RAPGEF6: variants seen among roughly 807,000 people sequenced by gnomAD.
The protein encoded by RAPGEF6 is Rap guanine nucleotide exchange factor 6.
A neutral mutation model predicts 171.4 loss-of-function variants in RAPGEF6; 56 were observed. The observed-to-expected ratio is 0.33, with a 90% CI of 0.26 to 0.41. The LOEUF is 0.41. RAPGEF6 is among the 10% of genes least tolerant of loss of function. The pLI, the probability that RAPGEF6 is intolerant of heterozygous loss-of-function variation, is 1.00. For missense variants in RAPGEF6, 1,674 were observed against 1,921.4 expected (o/e 0.87, Z 2.41); for synonymous variants, 692 against 650.1 (o/e 1.06, Z -0.98).
Position 131,538,931 on chromosome 5 carries a change from A to G in RAPGEF6, c.495+9116T>C, listed in dbSNP as rs536239889. Among the ~76,000 whole-genome samples, 7 of 152,358 alleles carry G rather than the reference A, an allele frequency of 4.6e-5. No individual in the cohort carries two copies. The South Asian group carries it at 1.4e-3, about 32-fold the overall frequency. ...AATTCCATATTATTTCCTAGAAGATAAAGGAGGAGTATTCTCCTAAAGGAT... is the reference window on the plus strand; with the variant it reads ...AATTCCATATTATTTCCTAGAAGATGAAGGAGGAGTATTCTCCTAAAGGAT... On this transcript the variant is annotated intron_variant, in intron 6 of 27. Coordinates refer to ENST00000509018, the MANE Select transcript of RAPGEF6 (RefSeq NM_016340.6).
At chr5:131,514,322 T>G (rs1007795742) in intron 7 of RAPGEF6, among the ~76,000 whole-genome samples, 1 of 152,118 alleles carries the variant, frequency 6.6e-6, no homozygotes, top group Non-Finnish European at 1.5e-5. Context: ...AAGAGAAAGG[T>G]AGATATGATT....
chr5:131,517,613 G>GATAC (rs1758178287), intron 7 of RAPGEF6, among the ~76,000 whole-genome samples: 1 of 81,692 alleles, frequency 1.2e-5, no homozygotes, highest in Non-Finnish European at 3.3e-5. Flanking sequence ...CCCAGGCTAA[G>GATAC]ATACATACAT....
chr5:131,521,293 T>C (rs777234005), intron 7 of RAPGEF6, 97 bp downstream of exon 7: 2 of 1,259,110 alleles, frequency 1.6e-6, no homozygotes, highest in Non-Finnish European at 2.1e-6. Flanking sequence ...TTGAATTTCA[T>C]ACTCTAAAAG....
chr5:131,548,882 G>A (rs1396341254), intron 5 of RAPGEF6, among the ~76,000 whole-genome samples: 2 of 152,048 alleles, frequency 1.3e-5, no homozygotes, highest in Non-Finnish European at 2.9e-5. Context: ...CCTGGCAACA[G>A]AGCAAGACCC....
intron 1 of RAPGEF6, among the ~76,000 whole-genome samples, chr5:131,629,270 A>G (rs770585559): frequency 6.6e-5 from 10 of 152,082 alleles, no homozygotes; most frequent in Non-Finnish European, 1.0e-4. Context: ...ACTTGAGCCT[A>G]GGAGTTCAAG....
In RAPGEF6 at chr5:131,471,242, A is replaced by G. The variant is rs1448658166; in HGVS notation, c.2239+1345T>C. Among the ~76,000 whole-genome samples the G allele has an allele frequency of 2.0e-5, 3 of 152,318 alleles. No homozygotes were observed. The East Asian group carries it at 5.8e-4, about 29-fold the overall frequency. On this transcript the variant is annotated intron_variant, in intron 17 of 27. Coordinates refer to ENST00000509018, the MANE Select transcript of RAPGEF6 (RefSeq NM_016340.6). Reference sequence around the variant, plus strand: ...TCTTTGTTCTAAAAAGAACACTGGTAGCCATGTAGAGAGTGTGATGTGCCA... The same window carrying G: ...TCTTTGTTCTAAAAAGAACACTGGTGGCCATGTAGAGAGTGTGATGTGCCA...
chr5:131,537,518 GTTGT>G (rs149201660), intron 6 of RAPGEF6, among the ~76,000 whole-genome samples: 11,022 of 151,992 alleles, frequency 0.073, 795 homozygotes, highest in African/African-American at 0.19. Context: ...TTCCCTAAAA[GTTGT>G]TTGTAATAGG....
chr5:131,591,309 T>C (rs1763574498), intron 4 of RAPGEF6, among the ~76,000 whole-genome samples: 1 of 152,210 alleles, frequency 6.6e-6, no homozygotes, highest in African/African-American at 2.4e-5. Context: ...AAAATCTTAA[T>C]AATTACTAAC....
chr5:131,461,967 G>A lies in RAPGEF6; in HGVS notation c.2602C>T (p.Leu868=). The part of the protein sequence containing the change: ...QLSTIEVATQ[L]SMRDFDLFRN... ...AACAAATCAAAGTCCCTCATTGACA[G>A]CTGGGTGGCCACCTCAATGGTACTG... Residue 868 remains leucine (L), a synonymous_variant, in exon 19 of 28, where the codon CTG becomes TTG. Transcript: ENST00000509018. 1 of 1,614,152 alleles carries A rather than the reference G, an allele frequency of 6.2e-7. No homozygotes were observed. The highest frequency in any genetic ancestry group is 8.5e-7 in the Non-Finnish European group (1 of 1,180,012).
In RAPGEF6 at chr5:131,479,666, T is replaced by A. The variant is rs780860297; in HGVS notation, c.1928A>T (p.His643Leu). ...PKIAEKKSNRHSIQHVPGDIE... is the reference protein window; with the variant it reads ...PKIAEKKSNRLSIQHVPGDIE... ...ATCTCCTGGCACATGCTGGATAGAA[T>A]GGCGATTACTTTTTTTTTCAGCAAT... The change falls in exon 16 of 28, where the codon CAT (histidine) becomes CTT (leucine). Residue 643 changes from histidine (H) to leucine (L), a missense_variant. Coordinates refer to ENST00000509018, the MANE Select transcript of RAPGEF6 (RefSeq NM_016340.6). 5 of 1,614,094 alleles carry A rather than the reference T, an allele frequency of 3.1e-6. 1 individual carries two copies. The South Asian group carries it at 5.5e-5, about 18-fold the overall frequency.
chr5:131,486,306 C>T (rs1044230911), intron 15 of RAPGEF6, among the ~76,000 whole-genome samples: 4 of 152,228 alleles, frequency 2.6e-5, no homozygotes, highest in Non-Finnish European at 4.4e-5. Context: ...GGCTTTGACA[C>T]ATCCAGAGTT....
chr5:131,443,261 A>T (rs909103996), intron 22 of RAPGEF6, among the ~76,000 whole-genome samples: 1 of 151,848 alleles, frequency 6.6e-6, no homozygotes, highest in Non-Finnish European at 1.5e-5. Flanking sequence ...TATTTTTAGT[A>T]GAGATGGAGT....
At chr5:131,489,396 A>G in intron 15 of RAPGEF6, 150 bp downstream of exon 15, 2 of 601,298 alleles carry the variant, frequency 3.3e-6, no homozygotes, top group Admixed American at 3.5e-5. Flanking sequence ...TCTAGAATAC[A>G]TAATAGTTCA....
chr5:131,584,316 G>A (rs983267503), intron 4 of RAPGEF6, among the ~76,000 whole-genome samples: 1 of 152,180 alleles, frequency 6.6e-6, no homozygotes, highest in African/African-American at 2.4e-5. Flanking sequence ...TAATGAAACT[G>A]CCTCTGCAAA....
chr5:131,499,967 C>T (rs1166498116), intron 11 of RAPGEF6, among the ~76,000 whole-genome samples: 5 of 152,310 alleles, frequency 3.3e-5, no homozygotes, highest in Middle Eastern at 3.4e-3. Flanking sequence ...TGCGCGATCT[C>T]AGCTCACTGC....
intron 3 of RAPGEF6, among the ~76,000 whole-genome samples, chr5:131,595,955 C>T (rs1225247910): frequency 6.6e-6 from 1 of 152,094 alleles, no homozygotes; most frequent in Admixed American, 6.5e-5. Context: ...GAGTTCAAGA[C>T]CAGCCTGGCC....
intron 4 of RAPGEF6, among the ~76,000 whole-genome samples, chr5:131,567,299 T>C (rs1762011241): frequency 6.6e-6 from 1 of 152,218 alleles, no homozygotes; most frequent in African/African-American, 2.4e-5. Context: ...GTTTATTTCA[T>C]TGATTTCCAC....
chr5:131,514,532 C>T (rs565023918), intron 7 of RAPGEF6, among the ~76,000 whole-genome samples: 4 of 151,656 alleles, frequency 2.6e-5, no homozygotes, highest in South Asian at 2.1e-4. Context: ...TAAAGAGACT[C>T]GATAATGATA....
Position 131,498,124 on chromosome 5 carries a change from T to C in RAPGEF6, c.1419+319A>G, listed in dbSNP as rs1000601290. On this transcript the variant is annotated intron_variant, in intron 12 of 27. Transcript: ENST00000509018. ...CTAAAATATTAAATCCGTTTTAAAA[T>C]GTTTTATTGATCTCCAGAAACAATC... Among the ~76,000 whole-genome samples, 6 of 152,238 alleles carry C rather than the reference T, an allele frequency of 3.9e-5. No homozygotes were observed. The East Asian group carries it at 1.2e-3, about 29-fold the overall frequency.
Sources: gnomAD v4.1 joint callset for allele counts (sites outside exome capture counted in the v4.1 genomes callset) on GRCh38, gnomAD v4.1.1 for gene constraint, MANE v1.5 for transcripts, NCBI Gene and HGNC (gene_info 2026-07-23, HGNC 2026-07-21) for gene names.